PTP4A3: variants seen among roughly 807,000 people sequenced by gnomAD.
The protein encoded by PTP4A3 is protein tyrosine phosphatase 4A3, also known as protein tyrosine phosphatase type IVA 3.
A neutral mutation model predicts 15.2 loss-of-function variants in PTP4A3; 9 were observed. The observed-to-expected ratio is 0.59, with a 90% CI of 0.36 to 1.03. The LOEUF (loss-of-function observed/expected upper bound fraction) is 1.03, where lower values mean the gene tolerates loss of function less well. Ranked by LOEUF, PTP4A3 falls within the 50% of genes least tolerant of loss-of-function variation. The pLI is 0.02. For missense variants in PTP4A3, 234 were observed against 252.1 expected (o/e 0.93, Z 0.49); for synonymous variants, 95 against 102.0 (o/e 0.93, Z 0.41).
intron 1 of PTP4A3, among the ~76,000 whole-genome samples, chr8:141,403,779 A>G (rs6990481): frequency 0.39 from 59,270 of 152,202 alleles, 12,801 homozygotes; most frequent in East Asian, 0.6. Flanking sequence ...CACGGCAACC[A>G]TGGTCGGGAG....
chr8:141,431,265 C>T lies in PTP4A3; in HGVS notation c.*221C>T, dbSNP rs1833862123. 8.7e-6 allele frequency: 5 copies of T among 576,090 alleles called. No individual in the cohort carries two copies. The South Asian group carries it at 1.1e-4, about 13-fold the overall frequency. The allele number at this position is 576,090 out of a possible 1,614,324, so 35.7% of individuals were successfully genotyped here. A position where few individuals can be genotyped will look rare whatever the true frequency, so the allele number is the denominator to read the frequency against. ...TGGGCCCTTTCTCCTGTCTCCGCCA[C>T]TCCCTCTGGCGGCGCTGGCCGTGGC... On this transcript the variant is annotated 3_prime_UTR_variant, in exon 6 of 6. Transcript: ENST00000521578.
In PTP4A3 at chr8:141,422,320, A is replaced by T; in HGVS notation, c.80A>T (p.Asn27Ile). Residue 27 changes from asparagine to isoleucine, a missense_variant, in exon 2 of 6, where the codon AAC becomes ATC. Asn to Ile is a moderately radical substitution (Grantham distance 149). Coordinates refer to ENST00000521578, the MANE Select transcript of PTP4A3 (RefSeq NM_032611.3). ...MRFLITHNPT[N>I]ATLSTFIEDL... ...TTCCTCATCACCCACAACCCCACCA[A>T]CGCCACGCTCAGCACCTTCATTGAG... 1 of 1,613,410 alleles carries T rather than the reference A, an allele frequency of 6.2e-7. No individual in the cohort carries two copies. Among genetic ancestry groups the T allele is most frequent in the Non-Finnish European group, 8.5e-7 (1 of 1,179,980 alleles).
intron 1 of PTP4A3, among the ~76,000 whole-genome samples, chr8:141,418,209 G>C (rs1374806638): frequency 6.6e-6 from 1 of 152,202 alleles, no homozygotes; most frequent in Non-Finnish European, 1.5e-5. Context: ...CCTCAGCCCT[G>C]ACCGCGGCGC....
intron 1 of PTP4A3, among the ~76,000 whole-genome samples, chr8:141,414,008 G>A (rs1170397020): frequency 6.6e-6 from 1 of 151,658 alleles, no homozygotes; most frequent in East Asian, 1.9e-4. Flanking sequence ...GCGGGGCAAT[G>A]GGGTCCCCAT....
At chr8:141,408,494 C>T (rs1832787326) in intron 1 of PTP4A3, among the ~76,000 whole-genome samples, 3 of 152,046 alleles carry the variant, frequency 2.0e-5, no homozygotes, top group Non-Finnish European at 4.4e-5. Context: ...TCATGGGCGC[C>T]CGTAATTCCA....
At chr8:141,424,279 G>C (rs530046655) in intron 2 of PTP4A3, among the ~76,000 whole-genome samples, 2 of 152,156 alleles carry the variant, frequency 1.3e-5, no homozygotes, top group African/African-American at 2.4e-5. Context: ...GCCCCCGCAC[G>C]TGACCCCTGT....
intron 5 of PTP4A3, among the ~76,000 whole-genome samples, chr8:141,430,355 C>A (rs377067964): frequency 6.8e-6 from 1 of 146,848 alleles, no homozygotes; most frequent in African/African-American, 2.6e-5. Flanking sequence ...GCTGTAAGGA[C>A]CCGGTGGCGG....
rs550949808 is a variant in PTP4A3 at position 141,428,813 on chromosome 8, C to G, written c.404+989C>G. 5.4e-3 allele frequency among the ~76,000 whole-genome samples: 830 copies of G among 152,324 alleles called. 5 individuals carry two copies. The highest frequency in any genetic ancestry group is 9.2e-3 in the Non-Finnish European group (624 of 68,008). Reference sequence around the variant, plus strand: ...CCAGGCATACGCAGGCACACACTCACAGGCAGGTGTGTGAACACAGGCACA... The same window carrying G: ...CCAGGCATACGCAGGCACACACTCAGAGGCAGGTGTGTGAACACAGGCACA... On this transcript the variant is annotated intron_variant, in intron 5 of 5. Transcript: ENST00000521578.
chr8:141,405,375 C>G (rs773373589), intron 1 of PTP4A3, among the ~76,000 whole-genome samples: 15 of 152,214 alleles, frequency 9.9e-5, no homozygotes, highest in Non-Finnish European at 2.1e-4. Context: ...CTCCAGGCCC[C>G]CCAACCTCCG....
intron 1 of PTP4A3, among the ~76,000 whole-genome samples, chr8:141,411,301 C>G (rs1563729394): frequency 6.6e-6 from 1 of 152,256 alleles, no homozygotes; most frequent in Non-Finnish European, 1.5e-5. Context: ...CCAATCCACT[C>G]ATAGCACTGC....
chr8:141,402,067 A>G (rs925995233), intron 1 of PTP4A3, among the ~76,000 whole-genome samples: 2 of 152,198 alleles, frequency 1.3e-5, no homozygotes, highest in Non-Finnish European at 2.9e-5. Context: ...AGACCTGGGC[A>G]GCAGCTGGGG....
chr8:141,406,506 CCT>C lies in PTP4A3; in HGVS notation c.-854+14423_-854+14424del, dbSNP rs1832728024. Among the ~76,000 whole-genome samples, 1 of 152,126 alleles carries C rather than the reference CCT, an allele frequency of 6.6e-6. No individual in the cohort carries two copies. The highest frequency in any genetic ancestry group is 2.1e-4 in the South Asian group (1 of 4,816). ...GAAGTCCTGCCCTCCTGCCTCTGGC[CCT>C]TGCTCAAGCCGCGCCCCCATCTGGA... is the stretch of plus-strand genomic sequence containing the variant. On this transcript the variant is annotated intron_variant, in intron 1 of 5. Transcript: ENST00000521578. This position sits in a 1 kb window ranked among gnomAD's most constrained non-coding sequence, Gnocchi z 4.5.
intron 5 of PTP4A3, among the ~76,000 whole-genome samples, chr8:141,430,651 A>G (rs12549120): frequency 0.6 from 90,564 of 152,012 alleles, 27,518 homozygotes; most frequent in Non-Finnish European, 0.66. Context: ...CTACCGAGCT[A>G]GGGAAGCCTG....
chr8:141,431,109 G>A lies in PTP4A3; in HGVS notation c.*65G>A. 2 of 1,507,302 alleles carry A rather than the reference G, an allele frequency of 1.3e-6. No homozygotes were observed. The highest frequency in any genetic ancestry group is 1.8e-6 in the Non-Finnish European group (2 of 1,085,672). The allele number at this position is 1,507,302 out of a possible 1,614,324, so 93.4% of individuals were successfully genotyped here. ...GACCTTGGCTGGACCTGGAGGCCCT[G>A]CCCAGCCCTGCTCTGCCCAGCCCAG... is the stretch of plus-strand genomic sequence containing the variant. On this transcript the variant is annotated 3_prime_UTR_variant, in exon 6 of 6. Transcript: ENST00000521578.
At chr8:141,400,630 TGA>T (rs1832567323) in intron 1 of PTP4A3, among the ~76,000 whole-genome samples, 2 of 151,994 alleles carry the variant, frequency 1.3e-5, no homozygotes, top group Admixed American at 6.5e-5. Context: ...GGCACCGGGG[TGA>T]GTCTTTCTTG....
At position 141,412,890 on chromosome 8, in the gene PTP4A3, G is replaced by A. The variant is rs542243465; in HGVS notation, c.-853-8498G>A. 3.1e-3 allele frequency among the ~76,000 whole-genome samples: 467 copies of A among 152,350 alleles called. 6 individuals carry two copies. The highest frequency in any genetic ancestry group is 0.011 in the African/African-American group (449 of 41,592). On this transcript the variant is annotated intron_variant, in intron 1 of 5. Transcript: ENST00000521578. ...GCACGGGACGGTTTTGCAGTTCCCAGGGGGCACCTGGGGTGGAGGCTTAGC... is the reference window on the plus strand; with the variant it reads ...GCACGGGACGGTTTTGCAGTTCCCAAGGGGCACCTGGGGTGGAGGCTTAGC...
intron 1 of PTP4A3, among the ~76,000 whole-genome samples, chr8:141,420,812 C>T (rs983505115): frequency 2.0e-5 from 3 of 152,188 alleles, no homozygotes; most frequent in African/African-American, 7.2e-5. Context: ...ATTAGGGTGG[C>T]CCACGGCCGC....
intron 1 of PTP4A3, among the ~76,000 whole-genome samples, chr8:141,396,784 C>T (rs964259963): frequency 1.3e-5 from 2 of 152,192 alleles, no homozygotes; most frequent in African/African-American, 4.8e-5. Context: ...TCCCTTCTCA[C>T]GTGGGACAAG....
intron 5 of PTP4A3, 36 bp from the exon 6 acceptor site, chr8:141,430,891 C>T (rs768355117): frequency 3.7e-6 from 6 of 1,606,212 alleles, no homozygotes; most frequent in South Asian, 3.3e-5. Context: ...GAGCCAGGTC[C>T]TTGGATGATC....
Sources: allele counts gnomAD v4.1 joint callset (sites outside exome capture counted in the v4.1 genomes callset), GRCh38; gene constraint gnomAD v4.1.1; non-coding constraint Gnocchi (gnomAD v3.1); transcripts MANE v1.5; gene names NCBI Gene and HGNC (gene_info 2026-07-23, HGNC 2026-07-21).